Variants in UBE2O observed in about 807,000 individuals in gnomAD.
UBE2O encodes ubiquitin conjugating enzyme E2 O.
Under a neutral mutation model 125.8 loss-of-function variants are expected in UBE2O, and 15 were observed. The ratio of observed to expected loss-of-function variants is 0.12; its 90% CI spans 0.08 to 0.18. The LOEUF (loss-of-function observed/expected upper bound fraction) is 0.18. Ranked by LOEUF, UBE2O falls within the 10% of genes least tolerant of loss-of-function variation. The probability of loss-of-function intolerance (pLI) is 1.00; values close to 1 mark genes in which losing one functional copy is unlikely to be tolerated. For missense variants in UBE2O, 1,280 were observed against 1,723.6 expected, an observed-to-expected ratio of 0.74 and a Z score of 4.56; for synonymous variants, 708 against 703.2, an observed-to-expected ratio of 1.01 and a Z score of -0.11.
At chr17:76,445,321 A>C (rs1486022082) in intron 1 of UBE2O, among the ~76,000 whole-genome samples, 1 of 151,900 alleles carries the variant, frequency 6.6e-6, no homozygotes, top group Non-Finnish European at 1.5e-5. Flanking sequence ...TATGCTATCA[A>C]TTTAAACCAA....
chr17:76,434,542 C>T (rs2072954876), intron 1 of UBE2O, among the ~76,000 whole-genome samples: 1 of 152,124 alleles, frequency 6.6e-6, no homozygotes, highest in Non-Finnish European at 1.5e-5. Flanking sequence ...GGATTCCAAG[C>T]ATGAATTAGG....
chr17:76,410,648 G>A lies in UBE2O; in HGVS notation c.418-5076C>T, dbSNP rs2072500176. Among the ~76,000 whole-genome samples, 1 of 152,154 alleles carries A rather than the reference G, an allele frequency of 6.6e-6. No homozygotes were observed. The highest frequency in any genetic ancestry group is 6.5e-5 in the Admixed American group (1 of 15,280). ...GCCAGGGCAGAGGGCAACGTGGCAGGAGGCTGGGCACTTCTGTTGTGCCCC... is the reference window on the plus strand; with the variant it reads ...GCCAGGGCAGAGGGCAACGTGGCAGAAGGCTGGGCACTTCTGTTGTGCCCC... On this transcript the variant is annotated intron_variant, in intron 1 of 17. Coordinates refer to ENST00000319380, the MANE Select transcript of UBE2O (RefSeq NM_022066.4). The surrounding 1 kb of genome is among the most constrained non-coding windows in gnomAD (Gnocchi z 4.0).
At chr17:76,412,953 A>T (rs2072541191) in intron 1 of UBE2O, among the ~76,000 whole-genome samples, 1 of 152,220 alleles carries the variant, frequency 6.6e-6, no homozygotes, top group African/African-American at 2.4e-5. Context: ...GGTTGCAGTG[A>T]GCCGAGATTG....
Position 76,402,452 on chromosome 17 carries a change from A to T in UBE2O, c.686+150T>A, listed in dbSNP as rs868278504. 6.8e-6 allele frequency: 5 copies of T among 734,584 alleles called. No individual in the cohort carries two copies. The Middle Eastern group carries it at 1.2e-3, about 177-fold the overall frequency. 45.5% of individuals were successfully genotyped at this position (734,584 alleles called of 1,614,324 possible). A position where few individuals can be genotyped will look rare whatever the true frequency, so the allele number is the denominator to read the frequency against. On this transcript the variant is annotated intron_variant, in intron 4 of 17. Coordinates refer to ENST00000319380, the MANE Select transcript of UBE2O (RefSeq NM_022066.4). This position sits in a 1 kb window ranked among gnomAD's most constrained non-coding sequence, Gnocchi z 5.4. ...GGCCACGGCAGATAAGGAGAACGGT[A>T]CAGGGTTAGGCCCTGGATGCCTGCA...
At chr17:76,407,163 G>A (rs1189254985) in intron 1 of UBE2O, among the ~76,000 whole-genome samples, 7 of 152,160 alleles carry the variant, frequency 4.6e-5, no homozygotes, top group Non-Finnish European at 7.3e-5. Flanking sequence ...GACCGCAGGT[G>A]GCACATGGTG....
chr17:76,415,799 GTGTGT>G, intron 1 of UBE2O, among the ~76,000 whole-genome samples: 1 of 149,708 alleles, frequency 6.7e-6, no homozygotes, highest in Middle Eastern at 3.5e-3. Flanking sequence ...GCAAGACTGT[GTGTGT>G]GTGTGTGTGT....
At chr17:76,446,699 T>C (rs778460363) in intron 1 of UBE2O, among the ~76,000 whole-genome samples, 13 of 152,144 alleles carry the variant, frequency 8.5e-5, no homozygotes, top group Non-Finnish European at 1.5e-4. Flanking sequence ...GGAGGTCAAG[T>C]TGGAGCTCCT....
Position 76,400,584 on chromosome 17 carries a change from C to A in UBE2O, c.895-34G>T. 2 of 1,458,632 alleles carry A rather than the reference C, an allele frequency of 1.4e-6. No individual in the cohort carries two copies. 90.4% of individuals were successfully genotyped at this position (1,458,632 alleles called of 1,614,324 possible). A position where few individuals can be genotyped will look rare whatever the true frequency, so the allele number is the denominator to read the frequency against. On this transcript the variant is annotated intron_variant, in intron 6 of 17. Coordinates refer to ENST00000319380, the MANE Select transcript of UBE2O (RefSeq NM_022066.4). This position sits in a 1 kb window ranked among gnomAD's most constrained non-coding sequence, Gnocchi z 4.3. Reference sequence around the variant, plus strand: ...GGCAGGTGGGACACGCCAGTCAGGGCAGGCTCTGACAGCACTCTCTTTAGC... The same window carrying A: ...GGCAGGTGGGACACGCCAGTCAGGGAAGGCTCTGACAGCACTCTCTTTAGC...
rs930161105 is a variant in UBE2O at position 76,389,563 on chromosome 17, C to CT, written c.*1379dup. The stretch of plus-strand genomic sequence containing the variant: ...TAAAAAAAAGTTTAATCACACAGCA[C>CT]TTTATACAGATATCGTAAGCAGTAG... On this transcript the variant is annotated 3_prime_UTR_variant, in exon 18 of 18. Coordinates refer to ENST00000319380, the MANE Select transcript of UBE2O (RefSeq NM_022066.4). 2.7e-5 allele frequency: 4 copies of CT among 150,400 alleles called. No homozygotes were observed. Among genetic ancestry groups the CT allele is most frequent in the African/African-American group, 9.8e-5 (4 of 40,886 alleles). 9.3% of individuals were successfully genotyped at this position (150,400 alleles called of 1,614,324 possible).
At chr17:76,421,428 C>T (rs1372691563) in intron 1 of UBE2O, among the ~76,000 whole-genome samples, 2 of 151,856 alleles carry the variant, frequency 1.3e-5, no homozygotes, top group African/African-American at 2.4e-5. Flanking sequence ...AGTGCAATGG[C>T]GTGATCTCGG....
Position 76,390,414 on chromosome 17 carries a change from G to GGGATAGTGTTGACGCTGGA in UBE2O, c.*510_*528dup, listed in dbSNP as rs1161805086. 6.5e-6 allele frequency: 1 copy of GGGATAGTGTTGACGCTGGA among 153,934 alleles called. No homozygotes were observed. The highest frequency in any genetic ancestry group is 1.4e-5 in the Non-Finnish European group (1 of 69,240). 9.5% of individuals were successfully genotyped at this position (153,934 alleles called of 1,614,324 possible). On this transcript the variant is annotated 3_prime_UTR_variant, in exon 18 of 18. Coordinates refer to ENST00000319380, the MANE Select transcript of UBE2O (RefSeq NM_022066.4). ...CAGTGACAGCAGCTACAACTCCCAA[G>GGGATAGTGTTGACGCTGGA]GGATAGTGTTGACGCTGGAGGACTA...
At chr17:76,411,347 A>G (rs1260261729) in intron 1 of UBE2O, among the ~76,000 whole-genome samples, 1 of 152,212 alleles carries the variant, frequency 6.6e-6, no homozygotes, top group Non-Finnish European at 1.5e-5. Flanking sequence ...ATGTCCCTGT[A>G]GGAGCGGATG....
chr17:76,434,429 A>C (rs1456505426), intron 1 of UBE2O, among the ~76,000 whole-genome samples: 1 of 152,206 alleles, frequency 6.6e-6, no homozygotes, highest in East Asian at 1.9e-4. Flanking sequence ...TGGAAATCAC[A>C]GGGCACATTT....
At chr17:76,449,778 G>A (rs2073206321) in intron 1 of UBE2O, among the ~76,000 whole-genome samples, 1 of 151,960 alleles carries the variant, frequency 6.6e-6, no homozygotes, top group Non-Finnish European at 1.5e-5. Flanking sequence ...AAATTAGCCG[G>A]GCGTGATGGC....
Position 76,399,526 on chromosome 17 carries a change from G to C in UBE2O, c.1551C>G (p.Pro517=). 2 of 1,614,220 alleles carry C rather than the reference G, an allele frequency of 1.2e-6. No individual in the cohort carries two copies. Among genetic ancestry groups the C allele is most frequent in the Non-Finnish European group, 1.7e-6 (2 of 1,180,038 alleles). ...GSGTSRKKSI[P]LSIKNLKRKH... ...TGCGCTTTAAGTTCTTGATGGACAA[G>C]GGGATGCTCTTTTTGCGACTCGTGC... The change falls in exon 9 of 18, where the codon CCC becomes CCG. Residue 517 remains proline, a synonymous_variant. Transcript: ENST00000319380. This position sits in a 1 kb window ranked among gnomAD's most constrained non-coding sequence, Gnocchi z 6.9.
At chr17:76,424,873 T>TA (rs2072780112) in intron 1 of UBE2O, among the ~76,000 whole-genome samples, 1 of 150,666 alleles carries the variant, frequency 6.6e-6, no homozygotes, top group Non-Finnish European at 1.5e-5. Flanking sequence ...ATTTTTTATT[T>TA]TTTTTTTTTG....
In UBE2O at chr17:76,398,634, G is replaced by C. The variant is rs1030963163; in HGVS notation, c.1784-50C>G. The C allele has an allele frequency of 6.3e-7, 1 of 1,582,800 alleles. No homozygotes were observed. The highest frequency in any genetic ancestry group is 1.7e-5 in the Admixed American group (1 of 59,466). On this transcript the variant is annotated intron_variant, in intron 10 of 17. Coordinates refer to ENST00000319380, the MANE Select transcript of UBE2O (RefSeq NM_022066.4). This position sits in a 1 kb window ranked among gnomAD's most constrained non-coding sequence, Gnocchi z 5.4. ...GACTAGCTAAGGGATCCCGGCTAAG[G>C]AGCCCACATCTCAAGCCAGTGCAGA...
intron 1 of UBE2O, among the ~76,000 whole-genome samples, chr17:76,426,963 A>G (rs938978777): frequency 6.6e-6 from 1 of 151,930 alleles, no homozygotes; most frequent in Non-Finnish European, 1.5e-5. Flanking sequence ...TTATTGAACG[A>G]TAATTTAAGC....
At chr17:76,401,739 G>A (rs2072329148) in intron 5 of UBE2O, 1 of 202,050 alleles carries the variant, frequency 4.9e-6, no homozygotes, top group South Asian at 1.3e-4. Flanking sequence ...AGACGGGTGT[G>A]GTGGCACACG....
Sources: gnomAD v4.1 joint callset for allele counts (sites outside exome capture counted in the v4.1 genomes callset) on GRCh38, gnomAD v4.1.1 for gene constraint, Gnocchi (gnomAD v3.1) non-coding constraint, MANE v1.5 for transcripts, NCBI Gene and HGNC (gene_info 2026-07-23, HGNC 2026-07-21) for gene names.